Variants in SLC5A4 observed in about 807,000 individuals in gnomAD.
The protein encoded by SLC5A4 is probable glucose sensor protein SLC5A4.
A neutral mutation model predicts 70.3 loss-of-function variants in SLC5A4; 55 were observed. The observed-to-expected ratio is 0.78, with a 90% confidence interval of 0.63 to 0.98. The LOEUF is 0.98. Ranked by LOEUF, SLC5A4 falls within the 50% of genes least tolerant of loss-of-function variation. The pLI, the probability that SLC5A4 is intolerant of heterozygous loss-of-function variation, is 0.00. For missense variants in SLC5A4, 735 were observed against 839.2 expected (o/e 0.88, Z 1.53); for synonymous variants, 268 against 305.7 (o/e 0.88, Z 1.29).
chr22:32,337,144 G>A, the SLC5A4 span, among the ~76,000 whole-genome samples: 1 of 152,136 alleles, frequency 6.6e-6, no homozygotes, highest in African/African-American at 2.4e-5. Context: ...AGCTGCAAAG[G>A]GCTGATGAAT....
the SLC5A4 span, among the ~76,000 whole-genome samples, chr22:32,336,570 C>A: frequency 6.6e-6 from 1 of 152,224 alleles, no homozygotes; most frequent in Non-Finnish European, 1.5e-5. Context: ...TGCCATGTTG[C>A]CTGTTAGGAG....
the SLC5A4 span, chr22:32,270,521 G>A: frequency 1.4e-6 from 1 of 718,144 alleles, no homozygotes; most frequent in Non-Finnish European, 2.6e-6. Flanking sequence ...CGCAGACAGT[G>A]ATTCCTGATT....
chr22:32,321,657 C>T, the SLC5A4 span, among the ~76,000 whole-genome samples: 1 of 152,196 alleles, frequency 6.6e-6, no homozygotes. Context: ...TGTGTCCTTC[C>T]CCTCTATGTA....
chr22:32,342,470 C>A, the SLC5A4 span, among the ~76,000 whole-genome samples: 1 of 152,078 alleles, frequency 6.6e-6, no homozygotes, highest in Admixed American at 6.5e-5. Context: ...CTGAAATCCA[C>A]AGACTTTAAG....
chr22:32,292,890 T>C, the SLC5A4 span, among the ~76,000 whole-genome samples: 669 of 152,294 alleles, frequency 4.4e-3, 1 homozygote, highest in African/African-American at 0.013. Context: ...CCCAGTATAA[T>C]TGTGATTTTG....
the SLC5A4 span, among the ~76,000 whole-genome samples, chr22:32,349,412 G>A: frequency 6.6e-6 from 1 of 152,218 alleles, no homozygotes; most frequent in Non-Finnish European, 1.5e-5. Flanking sequence ...ATAGCTAGGA[G>A]GCATGGCTAA....
the SLC5A4 span, among the ~76,000 whole-genome samples, chr22:32,338,987 T>C: frequency 2.0e-5 from 3 of 152,108 alleles, no homozygotes; most frequent in African/African-American, 4.8e-5. Context: ...TTACATGCAG[T>C]ATAAATGCCC....
At chr22:32,276,996 C>T in the SLC5A4 span, 60 of 152,078 alleles carry the variant, frequency 3.9e-4, no homozygotes, top group Admixed American at 3.7e-3. Flanking sequence ...GACTATCAAA[C>T]TGATGATTTA....
At chr22:32,243,097 C>T (rs559121430) in intron 5 of SLC5A4, among the ~76,000 whole-genome samples, 4 of 152,248 alleles carry the variant, frequency 2.6e-5, no homozygotes, top group African/African-American at 7.2e-5. Context: ...ATTAACATCA[C>T]CATTGAGGAA....
At chr22:32,309,173 C>T in the SLC5A4 span, among the ~76,000 whole-genome samples, 2 of 145,410 alleles carry the variant, frequency 1.4e-5, no homozygotes, top group South Asian at 2.1e-4. Context: ...AGCGAGCCAG[C>T]AGGCACTACC....
At chr22:32,330,666 TG>T in the SLC5A4 span, among the ~76,000 whole-genome samples, 1 of 93,206 alleles carries the variant, frequency 1.1e-5, no homozygotes, top group Non-Finnish European at 2.0e-5. Context: ...CTCTGGTGTG[TG>T]TGTTAGGGGG....
rs5998327 is a variant in SLC5A4, at chr22:32,237,387, C to T, written c.584-63G>A. On this transcript the variant is annotated intron_variant, in intron 6 of 14. Coordinates refer to ENST00000266086, the MANE Select transcript of SLC5A4 (RefSeq NM_014227.3). ...ATGTGTCCTCATGTATTTACCTTCA[C>T]CACTGGGTTCTCCTCCACCCACAAC... is the stretch of plus-strand genomic sequence containing the variant. 2,439 of 1,123,158 alleles carry T rather than the reference C, an allele frequency of 2.2e-3. 44 individuals are homozygous for T. In the African/African-American group the frequency reaches 0.033, roughly 15 times the overall value. The allele number at this position is 1,123,158 out of a possible 1,614,324, so 69.6% of individuals were successfully genotyped here.
chr22:32,293,136 C>T, the SLC5A4 span, among the ~76,000 whole-genome samples: 45 of 152,034 alleles, frequency 3.0e-4, no homozygotes, highest in African/African-American at 1.1e-3. Context: ...ATGTCTTTTC[C>T]CATCCTTTTA....
chr22:32,227,380 A>G (rs1458433782), intron 11 of SLC5A4, among the ~76,000 whole-genome samples: 1 of 152,180 alleles, frequency 6.6e-6, no homozygotes, highest in Admixed American at 6.5e-5. Context: ...CCTCTCCTAC[A>G]GCATTTGTCC....
chr22:32,282,234 C>T, the SLC5A4 span, among the ~76,000 whole-genome samples: 1 of 152,148 alleles, frequency 6.6e-6, no homozygotes, highest in Admixed American at 6.5e-5. Flanking sequence ...CTCCAGCACA[C>T]TCTTGACCTC....
chr22:32,254,252 C>G (rs756212734), intron 1 of SLC5A4, 39 bp from the exon 2 acceptor site: 2 of 1,494,444 alleles, frequency 1.3e-6, no homozygotes, highest in South Asian at 2.3e-5. Flanking sequence ...CAAGCCCCAG[C>G]AAGTGCACCC....
the SLC5A4 span, among the ~76,000 whole-genome samples, chr22:32,309,783 G>T: frequency 6.6e-6 from 1 of 152,052 alleles, no homozygotes; most frequent in Non-Finnish European, 1.5e-5. Context: ...TGACAGATAA[G>T]AAGCAGAGGC....
chr22:32,313,925 G>GC, the SLC5A4 span, among the ~76,000 whole-genome samples: 1 of 152,190 alleles, frequency 6.6e-6, no homozygotes, highest in Non-Finnish European at 1.5e-5. Flanking sequence ...GCCCTGGACT[G>GC]CCCCCTCCAC....
At chr22:32,227,133 C>T (rs1348141258) in intron 11 of SLC5A4, among the ~76,000 whole-genome samples, 1 of 152,096 alleles carries the variant, frequency 6.6e-6, no homozygotes, top group African/African-American at 2.4e-5. Context: ...GGCATATATT[C>T]CACAAGGCAA....
Sources: gnomAD v4.1 joint callset for allele counts (sites outside exome capture counted in the v4.1 genomes callset) on GRCh38, gnomAD v4.1.1 for gene constraint, MANE v1.5 for transcripts, NCBI Gene and HGNC (gene_info 2026-07-23, HGNC 2026-07-21) for gene names.